Variants in COL19A1 observed in about 807,000 individuals in gnomAD.
COL19A1 encodes collagen type XIX alpha 1 chain, also known as collagen alpha-1(XIX) chain.
Under a neutral mutation model 190.2 loss-of-function variants are expected in COL19A1, and 159 were observed. The observed-to-expected ratio is 0.84, with a 90% confidence interval of 0.73 to 0.95. The LOEUF (loss-of-function observed/expected upper bound fraction) is 0.95, where lower values mean the gene tolerates loss of function less well. COL19A1 is among the 40% of genes least tolerant of loss of function. The pLI is 0.00. For synonymous variants in COL19A1, 509 were observed against 458.9 expected, an observed-to-expected ratio of 1.11 and a Z score of -1.39; for missense variants, 1,418 against 1,431.9, an observed-to-expected ratio of 0.99 and a Z score of 0.16.
chr6:70,159,776 G>A (rs939715661), intron 34 of COL19A1, among the ~76,000 whole-genome samples: 1 of 151,998 alleles, frequency 6.6e-6, no homozygotes, highest in Admixed American at 6.6e-5. Flanking sequence ...ATATGAAAAT[G>A]CATATATCAT....
At position 70,209,563 on chromosome 6, in the gene COL19A1, A is replaced by G. The variant is rs1768074083; in HGVS notation, c.*2289A>G. 6.6e-6 allele frequency: 1 copy of G among 152,194 alleles called. No individual in the cohort carries two copies. Among genetic ancestry groups the G allele is most frequent in the Non-Finnish European group, 1.5e-5 (1 of 68,026 alleles). 9.4% of individuals were successfully genotyped at this position (152,194 alleles called of 1,614,324 possible). A position where few individuals can be genotyped will look rare whatever the true frequency, so the allele number is the denominator to read the frequency against. ...ATATTTAGAAATCTTTCTAAATACC[A>G]TTAAGGCTTGACTGGTTAATTCCTA... On this transcript the variant is annotated 3_prime_UTR_variant, in exon 51 of 51. Transcript: ENST00000620364.
At chr6:70,202,892 T>G in intron 49 of COL19A1, among the ~76,000 whole-genome samples, 1 of 152,188 alleles carries the variant, frequency 6.6e-6, no homozygotes, top group East Asian at 1.9e-4. Context: ...TCCAGACAGC[T>G]TTTAGATTTT....
intron 15 of COL19A1, among the ~76,000 whole-genome samples, chr6:70,100,029 C>G (rs1012324056): frequency 6.6e-6 from 1 of 152,170 alleles, no homozygotes. Flanking sequence ...TGGTTTGTTT[C>G]AACATTAACT....
At chr6:69,918,217 A>G (rs1056146125) in intron 4 of COL19A1, among the ~76,000 whole-genome samples, 11 of 152,120 alleles carry the variant, frequency 7.2e-5, no homozygotes, top group African/African-American at 2.4e-4. Context: ...TAAGGGAGGG[A>G]CCTGGTCTGA....
At chr6:69,879,408 C>A in intron 1 of COL19A1, 128 bp from the exon 2 acceptor site, 2 of 607,756 alleles carry the variant, frequency 3.3e-6, no homozygotes, top group South Asian at 2.1e-5. Flanking sequence ...CATATATAAT[C>A]ATATTTCCTG....
At chr6:70,033,657 A>T (rs923409503) in intron 12 of COL19A1, among the ~76,000 whole-genome samples, 3 of 152,146 alleles carry the variant, frequency 2.0e-5, no homozygotes, top group Admixed American at 2.0e-4. Context: ...TATTCTGTAT[A>T]TGTCATATAT....
At chr6:70,002,489 C>CT (rs199815178) in intron 11 of COL19A1, among the ~76,000 whole-genome samples, 12,672 of 150,016 alleles carry the variant, frequency 0.084, 594 homozygotes, top group East Asian at 0.21. Flanking sequence ...TGGTCCTGGG[C>CT]TTTTTTTTTG....
intron 31 of COL19A1, among the ~76,000 whole-genome samples, chr6:70,153,632 A>C (rs1787227961): frequency 6.6e-6 from 1 of 152,092 alleles, no homozygotes; most frequent in Non-Finnish European, 1.5e-5. Flanking sequence ...TCTATTCTAA[A>C]ATGTTGCTCC....
At chr6:70,102,300 T>C in intron 16 of COL19A1, 78 bp downstream of exon 16, 1 of 1,051,990 alleles carries the variant, frequency 9.5e-7, no homozygotes, top group East Asian at 2.4e-5. Context: ...ATTATTTTAC[T>C]CCCCTGTAGA....
At chr6:70,099,550 A>G (rs1196870386) in intron 15 of COL19A1, among the ~76,000 whole-genome samples, 2 of 152,090 alleles carry the variant, frequency 1.3e-5, no homozygotes, top group South Asian at 2.1e-4. Context: ...TCCAAAACAA[A>G]AAAAAAATTA....
Position 69,925,562 on chromosome 6 carries a change from A to G in COL19A1, c.267-2347A>G, listed in dbSNP as rs111229203. ...TCTTTTGGCTTAGGATTGACTTGGC[A>G]ATGCGGGCTCTTTTTTGGTTCCATA... On this transcript the variant is annotated intron_variant, in intron 4 of 50. Transcript: ENST00000620364. 5.5e-3 allele frequency among the ~76,000 whole-genome samples: 832 copies of G among 152,178 alleles called. 18 individuals are homozygous for G. In the East Asian group the frequency reaches 0.068, roughly 12 times the overall value.
intron 2 of COL19A1, among the ~76,000 whole-genome samples, chr6:69,891,625 A>G (rs933460273): frequency 1.1e-4 from 16 of 152,222 alleles, no homozygotes; most frequent in African/African-American, 3.9e-4. Context: ...CGACCTTGGC[A>G]GCTGCCGCCA....
At chr6:70,098,420 C>A in intron 15 of COL19A1, 1 of 514,484 alleles carries the variant, frequency 1.9e-6, no homozygotes. Context: ...AACAGCTGCC[C>A]TCTTGGGTTT....
chr6:70,133,593 C>G (rs1439211509), intron 18 of COL19A1, among the ~76,000 whole-genome samples: 2 of 152,156 alleles, frequency 1.3e-5, no homozygotes, highest in Admixed American at 1.3e-4. Context: ...AATATCTTAG[C>G]CCTCCTGAGA....
At chr6:69,974,355 C>T (rs1775592479) in intron 11 of COL19A1, among the ~76,000 whole-genome samples, 1 of 152,154 alleles carries the variant, frequency 6.6e-6, no homozygotes, top group Non-Finnish European at 1.5e-5. Flanking sequence ...ACTTGTCCAG[C>T]CCTGGGGAGG....
At chr6:70,010,289 C>T (rs891506280) in intron 11 of COL19A1, among the ~76,000 whole-genome samples, 2 of 152,076 alleles carry the variant, frequency 1.3e-5, no homozygotes, top group Non-Finnish European at 2.9e-5. Flanking sequence ...CAAATAAACT[C>T]ATGAAAAGTT....
intron 3 of COL19A1, among the ~76,000 whole-genome samples, chr6:69,899,279 C>G (rs751383833): frequency 6.6e-6 from 1 of 151,758 alleles, no homozygotes; most frequent in East Asian, 1.9e-4. Context: ...ATTCTCCTGC[C>G]TCAGCCTCCC....
intron 37 of COL19A1, among the ~76,000 whole-genome samples, chr6:70,166,764 CTA>C (rs1306465340): frequency 2.0e-5 from 3 of 152,232 alleles, no homozygotes; most frequent in Non-Finnish European, 4.4e-5. Context: ...GATTAGCACT[CTA>C]TTTCCTAAAC....
chr6:70,127,523 G>A (rs937819619), intron 17 of COL19A1, among the ~76,000 whole-genome samples: 1 of 152,102 alleles, frequency 6.6e-6, no homozygotes, highest in Non-Finnish European at 1.5e-5. Flanking sequence ...TCATATACAA[G>A]GAATAAGGAT....
Sources: gnomAD v4.1 joint callset for allele counts (sites outside exome capture counted in the v4.1 genomes callset) on GRCh38, gnomAD v4.1.1 for gene constraint, MANE v1.5 for transcripts, NCBI Gene and HGNC (gene_info 2026-07-23, HGNC 2026-07-21) for gene names.